IPO9: variants seen among roughly 807,000 people sequenced by gnomAD.
IPO9 encodes the protein importin 9, also known as importin-9.
A neutral mutation model predicts 128.6 loss-of-function variants in IPO9; 28 were observed. The observed-to-expected ratio is 0.22, with a 90% CI of 0.16 to 0.30. The LOEUF is 0.30. IPO9 is among the 10% of genes least tolerant of loss of function. The probability of loss-of-function intolerance (pLI) is 1.00; values close to 1 mark genes in which losing one functional copy is unlikely to be tolerated. For missense variants in IPO9, 935 were observed against 1,293.9 expected, an observed-to-expected ratio of 0.72 and a Z score of 4.26; for synonymous variants, 455 against 475.8, an observed-to-expected ratio of 0.96 and a Z score of 0.57.
intron 1 of IPO9, 85 bp downstream of exon 1, chr1:201,829,457 C>A (rs1571533315): frequency 1.5e-6 from 2 of 1,342,314 alleles, no homozygotes; most frequent in Non-Finnish European, 2.0e-6. Context: ...ACATGGGGAG[C>A]CTGAGCCAGT....
chr1:201,840,712 C>T (rs1195701029), intron 1 of IPO9, among the ~76,000 whole-genome samples: 3 of 152,048 alleles, frequency 2.0e-5, no homozygotes. Flanking sequence ...AGAAGAACTT[C>T]AGGAATCTCT....
At chr1:201,838,671 C>T (rs1265430057) in intron 1 of IPO9, among the ~76,000 whole-genome samples, 1 of 151,556 alleles carries the variant, frequency 6.6e-6, no homozygotes, top group African/African-American at 2.4e-5. Context: ...AAAAAAAATC[C>T]ACTTTCCTGA....
In IPO9 at chr1:201,882,410, C is replaced by A. The variant is rs1012241155; in HGVS notation, c.*6356C>A. The A allele has an allele frequency of 8.1e-6, 1 of 123,252 alleles. No individual in the cohort carries two copies. Among genetic ancestry groups the A allele is most frequent in the African/African-American group, 3.0e-5 (1 of 33,542 alleles). The allele number at this position is 123,252 out of a possible 1,614,324, so 7.6% of individuals were successfully genotyped here. On this transcript the variant is annotated 3_prime_UTR_variant, in exon 24 of 24. Transcript: ENST00000361565. ...TCATGCCACTACACTCCAGCCTGGG[C>A]GACAGAGCGACACTCTGCCTCAAAA...
chr1:201,883,332 C>A lies in IPO9; in HGVS notation c.*7278C>A, dbSNP rs1388984515. Reference sequence around the variant, plus strand: ...TGAACTGCAATTAGGCCCAGGGTCCCGGAGGAAGAAGGGGAGAGAAAAAGG... The same window carrying A: ...TGAACTGCAATTAGGCCCAGGGTCCAGGAGGAAGAAGGGGAGAGAAAAAGG... On this transcript the variant is annotated 3_prime_UTR_variant, in exon 24 of 24. Transcript: ENST00000361565. The A allele has an allele frequency of 6.6e-6, 1 of 151,908 alleles. No homozygotes were observed. The highest frequency in any genetic ancestry group is 1.5e-5 in the Non-Finnish European group (1 of 68,076). 9.4% of individuals were successfully genotyped at this position (151,908 alleles called of 1,614,324 possible).
intron 14 of IPO9, among the ~76,000 whole-genome samples, chr1:201,864,097 C>T (rs7525771): frequency 0.02 from 3,094 of 152,244 alleles, 50 homozygotes; most frequent in Non-Finnish European, 0.027. Flanking sequence ...TATATTCCTA[C>T]GCAGACTAGA....
intron 23 of IPO9, 30 bp downstream of exon 23, chr1:201,875,258 G>T: frequency 6.3e-7 from 1 of 1,577,304 alleles, no homozygotes; most frequent in Non-Finnish European, 8.7e-7. Flanking sequence ...TCTTGCAAAT[G>T]ACAATGTCCC....
Position 201,858,514 on chromosome 1 carries a change from A to C in IPO9, c.1289A>C (p.Gln430Pro). ...ALAAAATRHL[Q>P]EAEQTKNSGT... ...GCTGCTGCAGCCACTCGACATTTAC[A>C]AGAAGCTGAGCAAACCAAAAACAGT... is the stretch of plus-strand genomic sequence containing the variant. The change falls in exon 12 of 24, where the codon CAA (glutamine) becomes CCA (proline). Residue 430 changes from glutamine (Q) to proline (P), a missense_variant. Gln to Pro is a moderately conservative substitution (Grantham distance 76). Coordinates refer to ENST00000361565, the MANE Select transcript of IPO9 (RefSeq NM_018085.5). 1 of 1,593,758 alleles carries C rather than the reference A, an allele frequency of 6.3e-7. No individual in the cohort carries two copies. The highest frequency in any genetic ancestry group is 8.5e-7 in the Non-Finnish European group (1 of 1,170,526).
chr1:201,869,048 C>T (rs1046433416), intron 16 of IPO9, among the ~76,000 whole-genome samples: 1 of 151,950 alleles, frequency 6.6e-6, no homozygotes, highest in Non-Finnish European at 1.5e-5. Flanking sequence ...GTCAGGAGTT[C>T]GAGACCAGCC....
Position 201,855,805 on chromosome 1 carries a change from T to A in IPO9, c.993T>A (p.Asn331Lys). 1 of 1,610,522 alleles carries A rather than the reference T, an allele frequency of 6.2e-7. No homozygotes were observed. The highest frequency in any genetic ancestry group is 8.5e-7 in the Non-Finnish European group (1 of 1,179,352). Residue 331 changes from asparagine to lysine, a missense_variant, in exon 10 of 24, where the codon AAT (asparagine) becomes AAA (lysine). Asn to Lys is a moderately conservative substitution (Grantham distance 94, BLOSUM62 0). Transcript: ENST00000361565. ...DSDGEVLGFE[N>K]LVFSIFEFVH... ...CAGGTGAAGTCCTGGGCTTTGAAAA[T>A]CTCGTCTTTAGCATTTTTGAATTTG...
intron 1 of IPO9, among the ~76,000 whole-genome samples, chr1:201,832,459 A>G (rs1679853106): frequency 6.6e-6 from 1 of 152,114 alleles, no homozygotes; most frequent in Non-Finnish European, 1.5e-5. Flanking sequence ...GAGTTTAGCC[A>G]TGTTGCCCAG....
intron 4 of IPO9, among the ~76,000 whole-genome samples, chr1:201,849,133 T>A (rs1680172411): frequency 6.6e-6 from 1 of 152,228 alleles, no homozygotes; most frequent in Non-Finnish European, 1.5e-5. Context: ...ATAAAAACAG[T>A]ATAGCCATGT....
rs561948004 is a variant in IPO9 at position 201,877,040 on chromosome 1, G to A, written c.*986G>A. The stretch of plus-strand genomic sequence containing the variant: ...TAGAAGGTAAGTAAAAGTAATGGGG[G>A]AAAGGATTAGGTGGAGCCTGTCTAA... On this transcript the variant is annotated 3_prime_UTR_variant, in exon 24 of 24. Transcript: ENST00000361565. 6.5e-6 allele frequency: 1 copy of A among 152,680 alleles called. No individual in the cohort carries two copies. The highest frequency in any genetic ancestry group is 2.1e-4 in the South Asian group (1 of 4,828). 9.5% of individuals were successfully genotyped at this position (152,680 alleles called of 1,614,324 possible).
intron 1 of IPO9, among the ~76,000 whole-genome samples, chr1:201,830,086 A>G (rs1290348056): frequency 6.6e-6 from 1 of 152,216 alleles, no homozygotes; most frequent in Non-Finnish European, 1.5e-5. Flanking sequence ...TGGAGAAGAA[A>G]ATAAACCATT....
chr1:201,837,282 C>T (rs1379611822), intron 1 of IPO9, among the ~76,000 whole-genome samples: 1 of 152,154 alleles, frequency 6.6e-6, no homozygotes, highest in Non-Finnish European at 1.5e-5. Context: ...CACTGGAGTG[C>T]ATCCTTCTGG....
chr1:201,855,768 CTG>C lies in IPO9; in HGVS notation c.971-13_971-12del. On this transcript the variant is annotated splice_polypyrimidine_tract_variant and intron_variant, in intron 9 of 23. Coordinates refer to ENST00000361565, the MANE Select transcript of IPO9 (RefSeq NM_018085.5). ...TTTCTTGTCATTAATTTCTTCTCTTCTGTATTTCCTGCAGGTGAAGTCCTGGG... is the reference window on the plus strand; with the variant it reads ...TTTCTTGTCATTAATTTCTTCTCTTCTATTTCCTGCAGGTGAAGTCCTGGG... 1.2e-6 allele frequency: 2 copies of C among 1,603,824 alleles called. No individual in the cohort carries two copies. Among genetic ancestry groups the C allele is most frequent in the Non-Finnish European group, 1.7e-6 (2 of 1,177,578 alleles).
At chr1:201,836,991 C>T (rs925181682) in intron 1 of IPO9, among the ~76,000 whole-genome samples, 3 of 152,174 alleles carry the variant, frequency 2.0e-5, no homozygotes, top group Non-Finnish European at 4.4e-5. Flanking sequence ...GTTACTTGAA[C>T]TTTAATGCTG....
rs1417142207 is a variant in IPO9 at position 201,877,174 on chromosome 1, T to C, written c.*1120T>C. On this transcript the variant is annotated 3_prime_UTR_variant, in exon 24 of 24. Coordinates refer to ENST00000361565, the MANE Select transcript of IPO9 (RefSeq NM_018085.5). ...TTCCTTAATTGGGAAGTTTAGTCTG[T>C]TTGGGGTTCAAAGAGTAAATGAGGA... 2.0e-5 allele frequency: 3 copies of C among 152,136 alleles called. No homozygotes were observed. The allele number at this position is 152,136 out of a possible 1,614,324, so 9.4% of individuals were successfully genotyped here.
chr1:201,841,692 G>A (rs1043181988), intron 1 of IPO9, among the ~76,000 whole-genome samples: 4 of 152,214 alleles, frequency 2.6e-5, no homozygotes, highest in East Asian at 1.9e-4. Context: ...AATATCTTGT[G>A]TATTCAAAAA....
At position 201,874,308 on chromosome 1, in the gene IPO9, C is replaced by G. The variant is rs112114698; in HGVS notation, c.2769C>G (p.Asn923Lys). The G allele has an allele frequency of 4.3e-6, 7 of 1,613,818 alleles. No homozygotes were observed. The highest frequency in any genetic ancestry group is 5.9e-6 in the Non-Finnish European group (7 of 1,179,864). The change falls in exon 21 of 24, where the codon AAC (asparagine) becomes AAG (lysine). Residue 923 changes from asparagine (N) to lysine (K), a missense_variant. Physicochemically the swap from Asn to Lys is moderately conservative, Grantham distance 94 (BLOSUM62 0). This residue lies in a region of IPO9 where 188 missense variants were observed against 246.7 expected (regional missense o/e 0.76). Coordinates refer to ENST00000361565, the MANE Select transcript of IPO9 (RefSeq NM_018085.5). ...LLVKILKLII[N>K]ELSNVMEANA... ...TCAAGATCCTAAAGCTGATCATCAA[C>G]GAGCTCTCCAACGTCATGGAGGCTA...
Sources: gnomAD v4.1 joint callset for allele counts (sites outside exome capture counted in the v4.1 genomes callset) on GRCh38, gnomAD v4.1.1 for gene constraint, gnomAD v4.1.1 regional missense constraint, MANE v1.5 for transcripts, NCBI Gene and HGNC (gene_info 2026-07-23, HGNC 2026-07-21) for gene names.